CNKSR3: variants seen among roughly 807,000 people sequenced by gnomAD.
CNKSR3 encodes connector enhancer of kinase suppressor of ras 3.
CNKSR3 carries 36 observed loss-of-function variants against 67.7 expected under a neutral mutation model. The observed-to-expected ratio is 0.53, with a 90% CI of 0.41 to 0.70. The LOEUF (loss-of-function observed/expected upper bound fraction) is 0.70, where lower values mean the gene tolerates loss of function less well. Among genes scored for constraint, CNKSR3 ranks in the 30% least tolerant of loss-of-function variants. The pLI, the probability that CNKSR3 is intolerant of heterozygous loss-of-function variation, is 0.00. For missense variants in CNKSR3, 630 were observed against 695.2 expected (o/e 0.91, Z 1.05); for synonymous variants, 281 against 271.4 (o/e 1.04, Z -0.35).
At chr6:154,426,814 T>C (rs1228562229) in intron 7 of CNKSR3, among the ~76,000 whole-genome samples, 1 of 152,178 alleles carries the variant, frequency 6.6e-6, no homozygotes, top group Non-Finnish European at 1.5e-5. Flanking sequence ...AACGTAATCA[T>C]CAAATTGCTA....
At chr6:154,442,603 C>G (rs1366712490) in intron 2 of CNKSR3, among the ~76,000 whole-genome samples, 1 of 152,196 alleles carries the variant, frequency 6.6e-6, no homozygotes, top group East Asian at 1.9e-4. Flanking sequence ...GCCTGGGCAA[C>G]AGAGGGAGAC....
At chr6:154,459,936 A>C (rs1786043461) in intron 1 of CNKSR3, among the ~76,000 whole-genome samples, 1 of 152,256 alleles carries the variant, frequency 6.6e-6, no homozygotes, top group Admixed American at 6.5e-5. Context: ...AACTTTAACC[A>C]GGAACCTCTG....
chr6:154,501,778 T>A (rs1582906955), intron 1 of CNKSR3, among the ~76,000 whole-genome samples: 1 of 152,166 alleles, frequency 6.6e-6, no homozygotes, highest in Non-Finnish European at 1.5e-5. Flanking sequence ...GGTGGTGGCG[T>A]TTGTCACCCA....
chr6:154,470,118 C>A (rs1195391725), intron 1 of CNKSR3, among the ~76,000 whole-genome samples: 1 of 150,416 alleles, frequency 6.6e-6, no homozygotes, highest in Non-Finnish European at 1.5e-5. Context: ...AAAAAGAAAC[C>A]CTACCCACGA....
rs1330151235 is a variant in CNKSR3, at chr6:154,404,044, CCCT to C, written c.*2307_*2309del. ...GCTGGCTCGCCCCTCGTACACAGCT[CCCT>C]CCTCATCACCAGTGCCCTACACGAG... On this transcript the variant is annotated 3_prime_UTR_variant, in exon 13 of 13. Coordinates refer to ENST00000607772, the MANE Select transcript of CNKSR3 (RefSeq NM_173515.4). 2.0e-5 allele frequency: 3 copies of C among 152,152 alleles called. No individual in the cohort carries two copies. Among genetic ancestry groups the C allele is most frequent in the African/African-American group, 7.2e-5 (3 of 41,394 alleles). The allele number at this position is 152,152 out of a possible 1,614,324, so 9.4% of individuals were successfully genotyped here.
At chr6:154,507,912 G>A (rs1301734975) in intron 1 of CNKSR3, among the ~76,000 whole-genome samples, 1 of 152,130 alleles carries the variant, frequency 6.6e-6, no homozygotes, top group African/African-American at 2.4e-5. Context: ...AACAGGATGT[G>A]ATTTTACGCT....
At chr6:154,432,990 G>A (rs1785400016) in intron 5 of CNKSR3, among the ~76,000 whole-genome samples, 1 of 152,188 alleles carries the variant, frequency 6.6e-6, no homozygotes, top group Non-Finnish European at 1.5e-5. Context: ...ATCAGTAGGA[G>A]GAAGGCCTTA....
Position 154,507,951 on chromosome 6 carries a change from AAACAAC to A in CNKSR3, c.52+2106_52+2111del, listed in dbSNP as rs58124833. Among the ~76,000 whole-genome samples the A allele has an allele frequency of 3.3e-5, 5 of 152,190 alleles. No individual in the cohort carries two copies. In the East Asian group the frequency reaches 5.8e-4, roughly 18 times the overall value. On this transcript the variant is annotated intron_variant, in intron 1 of 12. Coordinates refer to ENST00000607772, the MANE Select transcript of CNKSR3 (RefSeq NM_173515.4). ...CCTTTTCCAATCCCAAGAGGGACAA[AAACAAC>A]AACAACAACAACAACAAAACCAGAC...
At chr6:154,428,224 A>G in intron 6 of CNKSR3, 37 bp from the exon 7 acceptor site, 1 of 1,367,944 alleles carries the variant, frequency 7.3e-7, no homozygotes, top group Non-Finnish European at 1.0e-6. Context: ...TCATTACTCC[A>G]ACGTTTAGAG....
rs1036725826 is a variant in CNKSR3 at position 154,396,009 on chromosome 6, G to GCA, written c.*10343_*10344dup. On this transcript the variant is annotated 3_prime_UTR_variant, in exon 13 of 13. Transcript: ENST00000607772. The stretch of plus-strand genomic sequence containing the variant: ...GCCTCCCAAAATGCTGAGATTACAG[G>GCA]CATGAGCCAACTGTGCCCAGCCAGC... 2.0e-5 allele frequency: 3 copies of GCA among 152,326 alleles called. No homozygotes were observed. Among genetic ancestry groups the GCA allele is most frequent in the African/African-American group, 7.2e-5 (3 of 41,452 alleles). 9.4% of individuals were successfully genotyped at this position (152,326 alleles called of 1,614,324 possible). A position where few individuals can be genotyped will look rare whatever the true frequency, so the allele number is the denominator to read the frequency against.
intron 7 of CNKSR3, among the ~76,000 whole-genome samples, chr6:154,424,255 A>G (rs1785209505): frequency 1.3e-5 from 2 of 151,552 alleles, no homozygotes; most frequent in African/African-American, 4.8e-5. Flanking sequence ...AAAAGAAAAG[A>G]AAAAAGAAAT....
rs1026979364 is a variant in CNKSR3 at position 154,388,515 on chromosome 6, T to C, written c.*17839A>G. On this transcript the variant is annotated 3_prime_UTR_variant, in exon 13 of 13. Coordinates refer to ENST00000607772, the MANE Select transcript of CNKSR3 (RefSeq NM_173515.4). ...CTTTGGGATCCTGATTTCAATTTTT[T>C]TGGATAAATATCCAGAAATAGGGTT... The C allele has an allele frequency of 2.0e-5, 3 of 152,244 alleles. No homozygotes were observed. The East Asian group carries it at 5.8e-4, about 29-fold the overall frequency. The allele number at this position is 152,244 out of a possible 1,614,324, so 9.4% of individuals were successfully genotyped here. A position where few individuals can be genotyped will look rare whatever the true frequency, so the allele number is the denominator to read the frequency against.
Position 154,402,838 on chromosome 6 carries a change from A to G in CNKSR3, c.*3516T>C, listed in dbSNP as rs937993339. 6.6e-6 allele frequency: 1 copy of G among 152,226 alleles called. No individual in the cohort carries two copies. The highest frequency in any genetic ancestry group is 6.5e-5 in the Admixed American group (1 of 15,276). 9.4% of individuals were successfully genotyped at this position (152,226 alleles called of 1,614,324 possible). On this transcript the variant is annotated 3_prime_UTR_variant, in exon 13 of 13. Coordinates refer to ENST00000607772, the MANE Select transcript of CNKSR3 (RefSeq NM_173515.4). ...TACCACATTCATGGTGATTTTTCAC[A>G]TATTTATATTTATACACACACATAC...
intron 9 of CNKSR3, among the ~76,000 whole-genome samples, chr6:154,418,082 C>A (rs866966328): frequency 5.6e-4 from 86 of 152,286 alleles, no homozygotes; most frequent in African/African-American, 2.0e-3. Flanking sequence ...ACTACCACCC[C>A]CCGCTGCTGG....
chr6:154,466,798 T>TG (rs1337403225), intron 1 of CNKSR3, among the ~76,000 whole-genome samples: 1 of 150,962 alleles, frequency 6.6e-6, no homozygotes, highest in South Asian at 2.1e-4. Context: ...TTTTTTGTTT[T>TG]TTTTTTTTAT....
intron 1 of CNKSR3, among the ~76,000 whole-genome samples, chr6:154,475,809 G>C (rs1786433494): frequency 6.6e-6 from 1 of 152,180 alleles, no homozygotes; most frequent in Non-Finnish European, 1.5e-5. Flanking sequence ...TCATTTCCCT[G>C]TGCTGTTTGT....
In CNKSR3 at chr6:154,406,270, A is replaced by G; in HGVS notation, c.*84T>C. ...TGCATAAGGTCCCTACATAATACTG[A>G]GGCTGAAACGAGAAGAGGCTGTCCA... On this transcript the variant is annotated 3_prime_UTR_variant, in exon 13 of 13. Transcript: ENST00000607772. 1 of 1,284,504 alleles carries G rather than the reference A, an allele frequency of 7.8e-7. No individual in the cohort carries two copies. The highest frequency in any genetic ancestry group is 1.1e-6 in the Non-Finnish European group (1 of 931,578). 79.6% of individuals were successfully genotyped at this position (1,284,504 alleles called of 1,614,324 possible).
intron 1 of CNKSR3, among the ~76,000 whole-genome samples, chr6:154,455,863 C>A (rs1286205672): frequency 9.3e-6 from 1 of 108,060 alleles, no homozygotes; most frequent in Non-Finnish European, 1.9e-5. Flanking sequence ...AAATAAAACT[C>A]CAAGCCTCTC....
chr6:154,444,322 C>T (rs1216746616), intron 2 of CNKSR3, among the ~76,000 whole-genome samples: 1 of 152,130 alleles, frequency 6.6e-6, no homozygotes, highest in East Asian at 1.9e-4. Flanking sequence ...AGGAAACTGG[C>T]ATGATAACAG....
Sources: gnomAD v4.1 joint callset for allele counts (sites outside exome capture counted in the v4.1 genomes callset) on GRCh38, gnomAD v4.1.1 for gene constraint, MANE v1.5 for transcripts, NCBI Gene and HGNC (gene_info 2026-07-23, HGNC 2026-07-21) for gene names.